TRPS1: variants seen among roughly 807,000 people sequenced by gnomAD.
TRPS1 encodes transcriptional repressor GATA binding 1.
Under a neutral mutation model 101.2 loss-of-function variants are expected in TRPS1, and 6 were observed. The observed-to-expected ratio is 0.06, with a 90% CI of 0.03 to 0.12. The LOEUF is 0.12. Among genes scored for constraint, TRPS1 ranks in the 10% least tolerant of loss-of-function variants. The pLI is 1.00. For missense variants in TRPS1, 1,363 were observed against 1,567.0 expected, an observed-to-expected ratio of 0.87 and a Z score of 2.20; for synonymous variants, 578 against 589.8, an observed-to-expected ratio of 0.98 and a Z score of 0.29.
At chr8:115,552,423 A>G (rs1018046360) in intron 5 of TRPS1, among the ~76,000 whole-genome samples, 1 of 152,158 alleles carries the variant, frequency 6.6e-6, no homozygotes, top group Non-Finnish European at 1.5e-5. Flanking sequence ...TACTCCTACC[A>G]CTTTATCCCT....
At chr8:115,496,034 C>T (rs1815141068) in intron 5 of TRPS1, among the ~76,000 whole-genome samples, 1 of 151,956 alleles carries the variant, frequency 6.6e-6, no homozygotes, top group Admixed American at 6.6e-5. Flanking sequence ...CCCTCAATTC[C>T]CCCTCTGCTT....
intron 5 of TRPS1, among the ~76,000 whole-genome samples, chr8:115,510,542 G>A (rs1314019249): frequency 1.3e-5 from 2 of 151,878 alleles, no homozygotes; most frequent in East Asian, 1.9e-4. Context: ...AAAGAACATC[G>A]AACTTCTAAC....
intron 4 of TRPS1, among the ~76,000 whole-genome samples, chr8:115,597,825 G>A (rs943618548): frequency 6.6e-6 from 1 of 152,052 alleles, no homozygotes; most frequent in Non-Finnish European, 1.5e-5. Flanking sequence ...TAGGCTATTT[G>A]TAATAAATTC....
chr8:115,461,455 T>TGCG (rs1411864578), intron 5 of TRPS1, among the ~76,000 whole-genome samples: 3 of 152,148 alleles, frequency 2.0e-5, no homozygotes, highest in African/African-American at 4.8e-5. Context: ...TAATTATCTG[T>TGCG]TTACTTAGAT....
chr8:115,551,575 C>A (rs2130341100), intron 5 of TRPS1, among the ~76,000 whole-genome samples: 1 of 152,188 alleles, frequency 6.6e-6, no homozygotes, highest in Non-Finnish European at 1.5e-5. Flanking sequence ...GTTTTACGTG[C>A]AGAGTATTGA....
intron 3 of TRPS1, 74 bp from the exon 4 acceptor site, chr8:115,605,076 G>T: frequency 7.1e-7 from 1 of 1,410,592 alleles, no homozygotes; most frequent in Non-Finnish European, 9.9e-7. Flanking sequence ...GGGAGGGGGA[G>T]GGTACTGCCA....
At chr8:115,531,833 G>A (rs1816138728) in intron 5 of TRPS1, among the ~76,000 whole-genome samples, 3 of 152,116 alleles carry the variant, frequency 2.0e-5, no homozygotes. Context: ...AGGCATAACA[G>A]GGAATCCAGA....
chr8:115,644,534 C>G (rs1256076993), intron 1 of TRPS1, among the ~76,000 whole-genome samples: 2 of 152,202 alleles, frequency 1.3e-5, no homozygotes, highest in African/African-American at 4.8e-5. Flanking sequence ...GATCTTCTAC[C>G]CAACCACTAA....
intron 3 of TRPS1, among the ~76,000 whole-genome samples, chr8:115,614,323 T>G (rs1305642494): frequency 6.6e-6 from 1 of 152,166 alleles, no homozygotes; most frequent in Non-Finnish European, 1.5e-5. Flanking sequence ...AATACTGATA[T>G]TCAACAAAAT....
In TRPS1 at chr8:115,587,035, T is replaced by C. The variant is rs1158463020; in HGVS notation, c.2666A>G (p.Asn889Ser). 1 of 1,614,062 alleles carries C rather than the reference T, an allele frequency of 6.2e-7. No individual in the cohort carries two copies. The highest frequency in any genetic ancestry group is 1.3e-5 in the African/African-American group (1 of 74,948). ...LPQQYPASGE[N>S]KSKDESQSLL... is the part of the protein sequence containing the mutation. ...GGACTGGGATTCATCCTTGGACTTG[T>C]TTTCTCCCGATGCAGGATACTGCTG... Residue 889 changes from asparagine to serine, a missense_variant, in exon 5 of 7, where the codon AAC becomes AGC. This residue lies in a region of TRPS1 where 22 missense variants were observed against 37.9 expected (regional missense o/e 0.58). Coordinates refer to ENST00000395715, the MANE Select transcript of TRPS1 (RefSeq NM_014112.5).
intron 5 of TRPS1, among the ~76,000 whole-genome samples, chr8:115,419,955 T>A (rs73367435): frequency 6.6e-6 from 1 of 152,086 alleles, no homozygotes; most frequent in African/African-American, 2.4e-5. Flanking sequence ...GCTGGTAAGC[T>A]GCACAGCCAT....
chr8:115,637,825 C>G (rs780505072), intron 1 of TRPS1, among the ~76,000 whole-genome samples: 1 of 152,090 alleles, frequency 6.6e-6, no homozygotes, highest in Admixed American at 6.5e-5. Context: ...TAGAGCTGAT[C>G]AACTCACTAA....
intron 1 of TRPS1, among the ~76,000 whole-genome samples, chr8:115,634,017 CA>C (rs1443073304): frequency 2.2e-5 from 3 of 137,432 alleles, no homozygotes; most frequent in African/African-American, 1.1e-4. Flanking sequence ...AAACAAACAA[CA>C]ACAACAAAAA....
intron 5 of TRPS1, among the ~76,000 whole-genome samples, chr8:115,456,493 G>C (rs1023022634): frequency 6.6e-6 from 1 of 151,750 alleles, no homozygotes. Context: ...ATATAATATC[G>C]ATTTTACATG....
intron 1 of TRPS1, among the ~76,000 whole-genome samples, chr8:115,667,649 C>T (rs1249275439): frequency 6.6e-6 from 1 of 152,222 alleles, no homozygotes; most frequent in African/African-American, 2.4e-5. Context: ...AGGGCACAGA[C>T]CGCTCGGCCA....
chr8:115,430,598 C>T (rs1813294438), intron 5 of TRPS1, among the ~76,000 whole-genome samples: 1 of 152,030 alleles, frequency 6.6e-6, no homozygotes, highest in Admixed American at 6.6e-5. Context: ...TTAATAAATT[C>T]TGGGCCATGT....
intron 5 of TRPS1, among the ~76,000 whole-genome samples, chr8:115,500,648 C>A (rs1442833605): frequency 6.6e-6 from 1 of 152,104 alleles, no homozygotes; most frequent in East Asian, 1.9e-4. Flanking sequence ...CAGCTCACTG[C>A]AAGCTCCGCC....
rs189706443 is a variant in TRPS1, at chr8:115,608,770, G to C, written c.967-3768C>G. On this transcript the variant is annotated intron_variant, in intron 3 of 6. Transcript: ENST00000395715. ...GTAGGCTTAGTAAAAATGAAGAACTGTTTTTTAAATTTACTTTCATATATT... is the reference window on the plus strand; with the variant it reads ...GTAGGCTTAGTAAAAATGAAGAACTCTTTTTTAAATTTACTTTCATATATT... 1.0e-3 allele frequency among the ~76,000 whole-genome samples: 156 copies of C among 151,710 alleles called. 2 individuals are homozygous for C. Among genetic ancestry groups the C allele is most frequent in the Non-Finnish European group, 1.7e-3 (119 of 68,010 alleles).
At chr8:115,437,375 G>C (rs1813482440) in intron 5 of TRPS1, among the ~76,000 whole-genome samples, 2 of 152,176 alleles carry the variant, frequency 1.3e-5, no homozygotes, top group Non-Finnish European at 2.9e-5. Flanking sequence ...AGGATATGCT[G>C]GAAGGTTCAC....
Sources: allele counts gnomAD v4.1 joint callset (sites outside exome capture counted in the v4.1 genomes callset), GRCh38; gene constraint gnomAD v4.1.1; regional missense constraint gnomAD v4.1.1; transcripts MANE v1.5; gene names NCBI Gene and HGNC (gene_info 2026-07-23, HGNC 2026-07-21).